Variants in EEIG1 observed in about 807,000 individuals in gnomAD.
EEIG1 encodes early estrogen-induced gene 1 protein.
chr9:127,970,419 G>A, the EEIG1 span, among the ~76,000 whole-genome samples: 17 of 152,202 alleles, frequency 1.1e-4, no homozygotes, highest in Admixed American at 6.5e-5. Flanking sequence ...GCGCCTGGCC[G>A]CATCATACAC....
chr9:127,949,951 G>A, the EEIG1 span, among the ~76,000 whole-genome samples: 1 of 152,350 alleles, frequency 6.6e-6, no homozygotes, highest in Non-Finnish European at 1.5e-5. Flanking sequence ...AGGCTACCAC[G>A]TGTCACTTGG....
the EEIG1 span, chr9:127,954,006 TC>T: frequency 6.4e-7 from 1 of 1,558,266 alleles, no homozygotes. Flanking sequence ...GACATGGCAC[TC>T]CCCATTGGGA....
At chr9:127,978,920 G>A in the EEIG1 span, among the ~76,000 whole-genome samples, 1 of 152,112 alleles carries the variant, frequency 6.6e-6, no homozygotes, top group Non-Finnish European at 1.5e-5. Flanking sequence ...AGGAGACTGA[G>A]ATATGAGAAT....
At chr9:127,945,591 C>T in the EEIG1 span, 1 of 1,562,932 alleles carries the variant, frequency 6.4e-7, no homozygotes, top group Middle Eastern at 1.8e-4. The surrounding 1 kb of genome is among the most constrained non-coding windows in gnomAD (Gnocchi z 6.5). Context: ...GGGAGCATCA[C>T]AATGGGGGAT....
the EEIG1 span, chr9:127,950,317 G>A: frequency 2.0e-5 from 23 of 1,148,176 alleles, no homozygotes; most frequent in Non-Finnish European, 2.9e-5. Context: ...ACCTATTCAG[G>A]TAAGGCCTGT....
chr9:127,946,230 G>A, the EEIG1 span, among the ~76,000 whole-genome samples: 1 of 152,262 alleles, frequency 6.6e-6, no homozygotes, highest in Non-Finnish European at 1.5e-5. Context: ...GAGGCTGGAA[G>A]GGGCCTGGGT....
At chr9:127,954,062 G>A in the EEIG1 span, 6 of 1,006,128 alleles carry the variant, frequency 6.0e-6, no homozygotes, top group East Asian at 1.2e-4. Context: ...TCACAAAATA[G>A]CTGTGTTTTC....
the EEIG1 span, among the ~76,000 whole-genome samples, chr9:127,950,198 G>A: frequency 6.6e-6 from 1 of 152,252 alleles, no homozygotes; most frequent in Non-Finnish European, 1.5e-5. Flanking sequence ...CCTGGAGACT[G>A]TCAGGGCCCC....
the EEIG1 span, chr9:127,945,021 C>A: frequency 8.7e-7 from 1 of 1,149,750 alleles, no homozygotes; most frequent in Non-Finnish European, 1.2e-6. This position sits in a 1 kb window ranked among gnomAD's most constrained non-coding sequence, Gnocchi z 6.5. Context: ...GCGCTCCGTG[C>A]TGTACTTCAC....
chr9:127,949,182 C>T, the EEIG1 span, among the ~76,000 whole-genome samples: 4 of 151,828 alleles, frequency 2.6e-5, no homozygotes, highest in African/African-American at 7.3e-5. Context: ...GGCGTGGTGG[C>T]GGGCACCTGT....
chr9:127,953,811 C>T, the EEIG1 span: 43 of 1,613,900 alleles, frequency 2.7e-5, no homozygotes, highest in Non-Finnish European at 3.6e-5. Context: ...TCACCTTGCG[C>T]ACAGACACAC....
chr9:127,946,002 G>A, the EEIG1 span, among the ~76,000 whole-genome samples: 1 of 152,252 alleles, frequency 6.6e-6, no homozygotes, highest in East Asian at 1.9e-4. Context: ...GAAGAACGCT[G>A]AACAAAAACT....
At chr9:127,978,766 G>C in the EEIG1 span, among the ~76,000 whole-genome samples, 1 of 152,118 alleles carries the variant, frequency 6.6e-6, no homozygotes, top group Non-Finnish European at 1.5e-5. Context: ...GAACCCAGGA[G>C]GTGGAGGTTG....
the EEIG1 span, among the ~76,000 whole-genome samples, chr9:127,967,377 C>T: frequency 6.6e-6 from 1 of 152,188 alleles, no homozygotes; most frequent in African/African-American, 2.4e-5. Context: ...ATTACCCCAT[C>T]GCAGCCAAGG....
At chr9:127,943,216 C>T in the EEIG1 span, 5 of 1,614,152 alleles carry the variant, frequency 3.1e-6, no homozygotes, top group Non-Finnish European at 4.2e-6. Flanking sequence ...TCACAACTGG[C>T]TCGTAGACCC....
At chr9:127,979,989 T>C in the EEIG1 span, 16 of 1,612,072 alleles carry the variant, frequency 9.9e-6, no homozygotes, top group Non-Finnish European at 1.4e-5. Flanking sequence ...CCCCAGCTCC[T>C]ACCTTGACGA....
the EEIG1 span, among the ~76,000 whole-genome samples, chr9:127,969,717 T>C: frequency 3.3e-5 from 5 of 152,130 alleles, no homozygotes. Context: ...GTTACATCTC[T>C]GTTTGCAGCT....
chr9:127,972,574 G>A, the EEIG1 span: 1 of 152,302 alleles, frequency 6.6e-6, no homozygotes, highest in Admixed American at 6.5e-5. This position sits in a 1 kb window ranked among gnomAD's most constrained non-coding sequence, Gnocchi z 4.3. Flanking sequence ...ACTGAGGCTT[G>A]GAGGCCAAGT....
chr9:127,947,628 G>A, the EEIG1 span, among the ~76,000 whole-genome samples: 1 of 152,118 alleles, frequency 6.6e-6, no homozygotes, highest in South Asian at 2.1e-4. Flanking sequence ...GAGAGCAAGA[G>A]CTCCCAGCAC....
Sources: allele counts gnomAD v4.1 joint callset (sites outside exome capture counted in the v4.1 genomes callset), GRCh38; gene constraint gnomAD v4.1.1; non-coding constraint Gnocchi (gnomAD v3.1); transcripts MANE v1.5; gene names NCBI Gene and HGNC (gene_info 2026-07-23, HGNC 2026-07-21).